Variants in SOX5 observed in about 807,000 individuals in gnomAD.
SOX5 encodes the protein SRY-box transcription factor 5.
A neutral mutation model predicts 92.0 loss-of-function variants in SOX5; 9 were observed. That is an observed-to-expected ratio of 0.10 (90% confidence interval 0.06 to 0.17). The LOEUF is 0.17. Ranked by LOEUF, SOX5 falls within the 10% of genes least tolerant of loss-of-function variation. SOX5 has a pLI of 1.00. For missense variants in SOX5, 642 were observed against 944.5 expected, an observed-to-expected ratio of 0.68 and a Z score of 4.20; for synonymous variants, 344 against 336.3, an observed-to-expected ratio of 1.02 and a Z score of -0.25.
chr12:24,329,832 G>A (rs551345053), intron 2 of SOX5, among the ~76,000 whole-genome samples: 10 of 152,274 alleles, frequency 6.6e-5, no homozygotes, highest in Admixed American at 2.6e-4. Flanking sequence ...AGACCAGCCT[G>A]GCCAACATGG....
In SOX5 at chr12:23,960,128, T is replaced by A. The variant is rs116437066; in HGVS notation, c.-1-64104A>T. On this transcript the variant is annotated intron_variant, in intron 4 of 4. Coordinates refer to the SOX5 transcript ENST00000446891. ...CACCCTGGGTCCTAGAAGAAAAGAA[T>A]TGGAGAGAAACGGACCCCAGCCATG... Among the ~76,000 whole-genome samples, 1,313 of 152,134 alleles carry A rather than the reference T, an allele frequency of 8.6e-3. 23 individuals are homozygous for A. Among genetic ancestry groups the A allele is most frequent in the African/African-American group, 0.03 (1,255 of 41,520 alleles).
chr12:24,424,813 G>A (rs866038069), intron 1 of SOX5, among the ~76,000 whole-genome samples: 6 of 150,726 alleles, frequency 4.0e-5, no homozygotes, highest in South Asian at 2.1e-4. Context: ...TTTTTTGGGG[G>A]GGGGGGATGG....
chr12:24,511,770 A>T (rs1949331343), intron 1 of SOX5, among the ~76,000 whole-genome samples: 1 of 152,044 alleles, frequency 6.6e-6, no homozygotes, highest in Admixed American at 6.6e-5. Flanking sequence ...CATCCTGGCT[A>T]ACATTGTGAA....
At chr12:23,677,491 T>A (rs2085894250) in intron 6 of SOX5, among the ~76,000 whole-genome samples, 1 of 152,140 alleles carries the variant, frequency 6.6e-6, no homozygotes, top group Non-Finnish European at 1.5e-5. Flanking sequence ...TAAAGTAACA[T>A]AACTGGAACA....
intron 2 of SOX5, among the ~76,000 whole-genome samples, chr12:23,858,721 T>C (rs1381152928): frequency 2.0e-5 from 3 of 152,164 alleles, no homozygotes; most frequent in African/African-American, 7.2e-5. Flanking sequence ...ATATAAGGCA[T>C]TCTACAGAAA....
At position 24,518,073 on chromosome 12, in the gene SOX5, CTT is replaced by C. The variant is rs59086253; in HGVS notation, c.-251+44254_-251+44255del. 1.6e-3 allele frequency among the ~76,000 whole-genome samples: 234 copies of C among 145,948 alleles called. 2 individuals carry two copies. Among genetic ancestry groups the C allele is most frequent in the African/African-American group, 3.3e-3 (128 of 39,352 alleles). On this transcript the variant is annotated intron_variant, in intron 1 of 4. Coordinates refer to the SOX5 transcript ENST00000446891. ...TCAAAAATTTTATTAACACTTTAGA[CTT>C]TTTTTTTTTTTGAGGCAGGGTCTCA...
chr12:24,074,630 C>CAAAAAAAAAAAAAAAAAA lies in SOX5; in HGVS notation c.-2+138695_-2+138712dup, dbSNP rs76320418. Among the ~76,000 whole-genome samples, 57 of 51,274 alleles carry CAAAAAAAAAAAAAAAAAA rather than the reference C, an allele frequency of 1.1e-3. 3 individuals are homozygous for CAAAAAAAAAAAAAAAAAA. The highest frequency in any genetic ancestry group is 1.4e-3 in the East Asian group (2 of 1,454). 33.6% of individuals were successfully genotyped at this position (51,274 alleles called of 152,430 possible). A position where few individuals can be genotyped will look rare whatever the true frequency, so the allele number is the denominator to read the frequency against. ...CTTAGTGTTTATTTCTGTAAACTACCAAAAAAAAAAAAAAAAAAAAAAAGC... is the reference window on the plus strand; with the variant it reads ...CTTAGTGTTTATTTCTGTAAACTACCAAAAAAAAAAAAAAAAAAAAAAAAAAAAAAAAAAAAAAAAAGC... On this transcript the variant is annotated intron_variant, in intron 4 of 4. Coordinates refer to the SOX5 transcript ENST00000446891.
intron 4 of SOX5, among the ~76,000 whole-genome samples, chr12:23,967,895 G>A (rs1947780086): frequency 6.6e-6 from 1 of 152,016 alleles, no homozygotes; most frequent in Non-Finnish European, 1.5e-5. Context: ...AATATCAAGG[G>A]TATTACAATA....
intron 8 of SOX5, among the ~76,000 whole-genome samples, chr12:23,621,100 A>G (rs2077121653): frequency 6.6e-6 from 1 of 152,140 alleles, no homozygotes. Flanking sequence ...CTTAACATTT[A>G]TAAGTAAATG....
intron 2 of SOX5, among the ~76,000 whole-genome samples, chr12:24,314,731 C>T (rs1595492793): frequency 6.6e-6 from 1 of 152,170 alleles, no homozygotes; most frequent in East Asian, 1.9e-4. Context: ...CATTCTGCTC[C>T]AGGCACATGG....
At chr12:24,073,760 T>G (rs1247624718) in intron 4 of SOX5, among the ~76,000 whole-genome samples, 3 of 152,196 alleles carry the variant, frequency 2.0e-5, no homozygotes, top group Non-Finnish European at 4.4e-5. Context: ...ACAAGTGCTC[T>G]GATTACATAT....
intron 6 of SOX5, among the ~76,000 whole-genome samples, chr12:23,669,966 T>C (rs1306274493): frequency 6.6e-6 from 1 of 152,058 alleles, no homozygotes; most frequent in Non-Finnish European, 1.5e-5. Context: ...GCCTAGACAA[T>C]CTAGAAAAGA....
chr12:23,780,660 T>C (rs2095259340), intron 3 of SOX5, among the ~76,000 whole-genome samples: 1 of 152,052 alleles, frequency 6.6e-6, no homozygotes, highest in African/African-American at 2.4e-5. Context: ...GTGAAAAGTT[T>C]TGTGTGGCAA....
At chr12:24,437,548 G>T (rs1035830548) in intron 1 of SOX5, among the ~76,000 whole-genome samples, 12 of 152,042 alleles carry the variant, frequency 7.9e-5, no homozygotes, top group African/African-American at 2.9e-4. Context: ...TCTACAAAGG[G>T]CTAATATCCA....
chr12:24,510,027 C>A (rs1949162324), intron 1 of SOX5, among the ~76,000 whole-genome samples: 1 of 152,140 alleles, frequency 6.6e-6, no homozygotes, highest in South Asian at 2.1e-4. Context: ...AAGGGCTTCA[C>A]AAACAGTTTT....
intron 10 of SOX5, among the ~76,000 whole-genome samples, chr12:23,575,194 G>A (rs1388239619): frequency 6.6e-6 from 1 of 152,024 alleles, no homozygotes; most frequent in Non-Finnish European, 1.5e-5. Context: ...ATAATACTTT[G>A]GTGTTTGCAA....
intron 13 of SOX5, among the ~76,000 whole-genome samples, chr12:23,542,572 T>C (rs954662861): frequency 2.6e-5 from 4 of 152,248 alleles, no homozygotes; most frequent in African/African-American, 9.6e-5. Flanking sequence ...GTACTTTGTT[T>C]TCTGTTCAAT....
In SOX5 at chr12:23,792,393, G is replaced by A. The variant is rs377486241; in HGVS notation, c.482-36669C>T. ...TAATCCCAGAACTTTGGGAGACCGA[G>A]GTGGGTGGATCATGAGGTCAGAAGT... On this transcript the variant is annotated intron_variant, in intron 3 of 14. Coordinates refer to ENST00000451604, the MANE Select transcript of SOX5 (RefSeq NM_006940.6). Among the ~76,000 whole-genome samples, 28 of 151,878 alleles carry A rather than the reference G, an allele frequency of 1.8e-4. No individual in the cohort carries two copies. In the East Asian group the frequency reaches 4.9e-3, roughly 26 times the overall value.
intron 4 of SOX5, among the ~76,000 whole-genome samples, chr12:23,998,661 G>C (rs930874096): frequency 6.6e-6 from 1 of 151,830 alleles, no homozygotes; most frequent in Non-Finnish European, 1.5e-5. Context: ...AATTAGCCGG[G>C]CATGGTGGCT....
Sources: allele counts gnomAD v4.1 joint callset (sites outside exome capture counted in the v4.1 genomes callset), GRCh38; gene constraint gnomAD v4.1.1; transcripts MANE v1.5; gene names NCBI Gene and HGNC (gene_info 2026-07-23, HGNC 2026-07-21).